THADA: variants seen among roughly 807,000 people sequenced by gnomAD.
THADA encodes the protein THADA armadillo repeat containing.
A neutral mutation model predicts 219.8 loss-of-function variants in THADA; 213 were observed. The ratio of observed to expected loss-of-function variants is 0.97; its 90% CI spans 0.87 to 1.09. The LOEUF (loss-of-function observed/expected upper bound fraction) is 1.09. THADA is among the 50% of genes least tolerant of loss of function. The pLI is 0.00. For synonymous variants in THADA, 1,018 were observed against 828.9 expected (o/e 1.23, Z -3.92); for missense variants, 2,956 against 2,311.3 (o/e 1.28, Z -5.72).
At chr2:43,297,057 C>T (rs1675496494) in intron 31 of THADA, among the ~76,000 whole-genome samples, 2 of 105,422 alleles carry the variant, frequency 1.9e-5, no homozygotes, top group Non-Finnish European at 1.9e-5. Context: ...AAGTGAGGAG[C>T]GTCTCCGCCC....
intron 31 of THADA, among the ~76,000 whole-genome samples, chr2:43,315,728 A>G (rs1021557023): frequency 6.6e-6 from 1 of 152,134 alleles, no homozygotes; most frequent in African/African-American, 2.4e-5. Context: ...TGTCCTCCCA[A>G]AGTGCTGGGA....
intron 26 of THADA, among the ~76,000 whole-genome samples, chr2:43,440,289 A>T (rs1385330433): frequency 6.6e-6 from 1 of 152,106 alleles, no homozygotes; most frequent in Non-Finnish European, 1.5e-5. Context: ...CTTCCATTTA[A>T]TGGCTACAGA....
chr2:43,467,181 CAAAA>C (rs70963399), intron 26 of THADA, among the ~76,000 whole-genome samples: 1,562 of 58,272 alleles, frequency 0.027, 9 homozygotes, highest in African/African-American at 0.086. Flanking sequence ...GACTCCGTCT[CAAAA>C]AAAAAAAAAA....
rs986923172 is a variant in THADA at position 43,574,780 on chromosome 2, C to T, written c.1285G>A (p.Ala429Thr). The T allele has an allele frequency of 6.2e-7, 1 of 1,614,024 alleles. No individual in the cohort carries two copies. The highest frequency in any genetic ancestry group is 1.3e-5 in the African/African-American group (1 of 75,052). Residue 429 changes from alanine to threonine, a missense_variant, in exon 11 of 38, where the codon GCA becomes ACA. Physicochemically the swap from Ala to Thr is moderately conservative, Grantham distance 58. Transcript: ENST00000405975. ...LQMHRLTVEGADFVPDPFFVE... is the reference protein window; with the variant it reads ...LQMHRLTVEGTDFVPDPFFVE... ...AAGAAAGGATCAGGGACGAAATCTG[C>T]ACCTTCCACAGTGAGCCGGTGCATT...
chr2:43,501,225 G>A (rs914987344), intron 24 of THADA, among the ~76,000 whole-genome samples: 17 of 136,344 alleles, frequency 1.2e-4, no homozygotes, highest in Admixed American at 4.9e-4. Context: ...AGGATTGCTT[G>A]AACCCAGGAG....
chr2:43,574,648 T>C lies in THADA; in HGVS notation c.1417A>G (p.Ile473Val), dbSNP rs1559002562. The change falls in exon 11 of 38, where the codon ATA becomes GTA. Residue 473 changes from isoleucine (I) to valine (V), a missense_variant. Ile to Val is a conservative substitution (Grantham distance 29). Transcript: ENST00000405975. ...ECIGVEHILAIDKTIPSQILE... is the reference protein window; with the variant it reads ...ECIGVEHILAVDKTIPSQILE... Reference sequence around the variant, plus strand: ...ATTTGAGATGGAATAGTTTTATCTATAGCCAAAATATGTTCAACTCCTATG... The same window carrying C: ...ATTTGAGATGGAATAGTTTTATCTACAGCCAAAATATGTTCAACTCCTATG... 6.2e-7 allele frequency: 1 copy of C among 1,614,020 alleles called. No individual in the cohort carries two copies. Among genetic ancestry groups the C allele is most frequent in the Non-Finnish European group, 8.5e-7 (1 of 1,179,896 alleles).
intron 26 of THADA, among the ~76,000 whole-genome samples, chr2:43,445,972 C>T (rs529670277): frequency 6.6e-6 from 1 of 152,302 alleles, no homozygotes; most frequent in Admixed American, 6.5e-5. Flanking sequence ...TGGAAGAGCC[C>T]TGCCACGCCC....
rs535088429 is a variant in THADA, at chr2:43,361,217, A to C, written c.4228-16980T>G. On this transcript the variant is annotated intron_variant, in intron 29 of 37. Transcript: ENST00000405975. ...CTATCATATCACGGGCTTTGTAGTC[A>C]AGACATAGCTGGTAGCCTTAGAAAA... Among the ~76,000 whole-genome samples, 6 of 152,308 alleles carry C rather than the reference A, an allele frequency of 3.9e-5. No homozygotes were observed. The South Asian group carries it at 1.0e-3, about 26-fold the overall frequency.
At chr2:43,510,708 C>T (rs967297190) in intron 22 of THADA, among the ~76,000 whole-genome samples, 2 of 149,498 alleles carry the variant, frequency 1.3e-5, no homozygotes, top group Admixed American at 1.3e-4. Flanking sequence ...CAGTGGCTCA[C>T]ACCTGTAATC....
At chr2:43,406,765 T>C (rs142866911) in intron 28 of THADA, among the ~76,000 whole-genome samples, 1 of 152,332 alleles carries the variant, frequency 6.6e-6, no homozygotes, top group East Asian at 1.9e-4. Context: ...TCTCTGACCC[T>C]GTACCAATGA....
intron 26 of THADA, among the ~76,000 whole-genome samples, chr2:43,477,495 C>T (rs531204183): frequency 2.0e-5 from 3 of 152,344 alleles, no homozygotes; most frequent in Non-Finnish European, 4.4e-5. Flanking sequence ...GACATATATT[C>T]CCCATTAACA....
chr2:43,431,369 A>C (rs1056405759), intron 26 of THADA, among the ~76,000 whole-genome samples: 2 of 152,174 alleles, frequency 1.3e-5, no homozygotes, highest in Admixed American at 6.5e-5. Flanking sequence ...CCTTCCCAGC[A>C]AACTCCCGCC....
chr2:43,244,766 T>G (rs373987142), intron 36 of THADA, among the ~76,000 whole-genome samples: 1 of 152,364 alleles, frequency 6.6e-6, no homozygotes, highest in East Asian at 1.9e-4. Context: ...TCCCTCCCTA[T>G]GCCTGCTCCT....
rs17030725 is a variant in THADA, at chr2:43,375,127, G to C, written c.4227+22844C>G. ...TATATCATGCCAGCCACTATACTGG[G>C]AATTTGTACATGTAACATCTCTATT... On this transcript the variant is annotated intron_variant, in intron 29 of 37. Transcript: ENST00000405975. Among the ~76,000 whole-genome samples, 1,513 of 152,132 alleles carry C rather than the reference G, an allele frequency of 9.9e-3. 28 individuals are homozygous for C. Among genetic ancestry groups the C allele is most frequent in the African/African-American group, 0.035 (1,449 of 41,502 alleles).
At chr2:43,536,465 G>A (rs1243218587) in intron 21 of THADA, among the ~76,000 whole-genome samples, 1 of 152,094 alleles carries the variant, frequency 6.6e-6, no homozygotes, top group African/African-American at 2.4e-5. Flanking sequence ...GAAAAATACA[G>A]TGATTTCTGT....
intron 36 of THADA, among the ~76,000 whole-genome samples, chr2:43,255,204 T>C (rs1401112327): frequency 6.6e-6 from 1 of 152,192 alleles, no homozygotes; most frequent in Non-Finnish European, 1.5e-5. Context: ...TCTGAAAACA[T>C]ATTTAGGTTT....
intron 4 of THADA, among the ~76,000 whole-genome samples, chr2:43,588,471 A>C (rs972704079): frequency 5.3e-5 from 8 of 152,164 alleles, no homozygotes; most frequent in Non-Finnish European, 1.2e-4. Flanking sequence ...AAAGTTAAAG[A>C]CAAGTAACAA....
At chr2:43,460,267 A>C (rs13002570) in intron 26 of THADA, among the ~76,000 whole-genome samples, 2 of 125,806 alleles carry the variant, frequency 1.6e-5, no homozygotes, top group South Asian at 2.7e-4. Context: ...AAAAAAAAAA[A>C]GTAAGCCAGA....
chr2:43,332,391 T>C (rs182779687), intron 30 of THADA, among the ~76,000 whole-genome samples: 1 of 152,384 alleles, frequency 6.6e-6, no homozygotes, highest in Non-Finnish European at 1.5e-5. Flanking sequence ...TGACTAATTC[T>C]AGCATTGACA....
Sources: allele counts gnomAD v4.1 joint callset (sites outside exome capture counted in the v4.1 genomes callset), GRCh38; gene constraint gnomAD v4.1.1; transcripts MANE v1.5; gene names NCBI Gene and HGNC (gene_info 2026-07-23, HGNC 2026-07-21).